The following ZNF117 variants were observed in gnomAD, a reference collection of about 807,000 sequenced individuals.
ZNF117 encodes zinc finger protein 117, also known as Krueppel-related zinc finger protein.
Under a neutral mutation model 41.2 loss-of-function variants are expected in ZNF117, and 37 were observed. The observed-to-expected ratio is 0.90, with a 90% confidence interval of 0.69 to 1.18. The LOEUF (loss-of-function observed/expected upper bound fraction) is 1.18. Among genes scored for constraint, ZNF117 ranks in the 50% most tolerant of loss-of-function variants. The pLI is 0.00. For synonymous variants in ZNF117, 186 were observed against 186.6 expected (o/e 1.00, Z 0.02); for missense variants, 546 against 557.5 (o/e 0.98, Z 0.21).
exon 3 of ZNF117, chr7:64,978,071 AGG>A: frequency 6.4e-7 from 1 of 1,565,312 alleles, no homozygotes; most frequent in Non-Finnish European, 8.7e-7. Context: ...CACACTTGTA[AGG>A]TTTCTCTCCA....
intron 2 of ZNF117, 131 bp downstream of exon 3, chr7:64,981,256 A>T (rs186446467): frequency 4.7e-5 from 52 of 1,099,580 alleles, no homozygotes; most frequent in African/African-American, 1.1e-4. Flanking sequence ...AGAGAAAAAT[A>T]AAAAAAAACT....
chr7:64,982,472 T>C (rs1388125188), upstream of ZNF117, among the ~76,000 whole-genome samples: 1 of 152,212 alleles, frequency 6.6e-6, no homozygotes, highest in Non-Finnish European at 1.5e-5. Flanking sequence ...AAAAGACATG[T>C]TGAGTTAAAA....
At chr7:64,979,072 A>T in exon 3 of ZNF117, 1 of 1,613,110 alleles carries the variant, frequency 6.2e-7, no homozygotes, top group South Asian at 1.1e-5. Context: ...CATTCTTTAC[A>T]TTTGTAAGGT....
upstream of ZNF117, among the ~76,000 whole-genome samples, chr7:64,982,561 A>C (rs1054980043): frequency 6.6e-6 from 1 of 152,220 alleles, no homozygotes; most frequent in Non-Finnish European, 1.5e-5. Context: ...GATCTGGAAC[A>C]GTCTGATATT....
chr7:64,975,865 T>A (rs1352072579), exon 3 of ZNF117: 1 of 152,226 alleles, frequency 6.6e-6, no homozygotes, highest in Non-Finnish European at 1.5e-5. Flanking sequence ...TAATTTTGGA[T>A]TAAATTTCTT....
At chr7:64,981,087 T>C (rs1584049771) in intron 2 of ZNF117, 1 of 325,644 alleles carries the variant, frequency 3.1e-6, no homozygotes, top group African/African-American at 2.2e-5. Flanking sequence ...TATTTGTGTG[T>C]CCCCCAAAAC....
chr7:64,978,095 C>T, exon 3 of ZNF117: 1 of 1,598,418 alleles, frequency 6.3e-7, no homozygotes, highest in Non-Finnish European at 8.5e-7. Context: ...TATGAATTTT[C>T]TTGTGTTCAA....
exon 3 of ZNF117, chr7:64,978,980 T>C (rs1016056902): frequency 1.2e-6 from 2 of 1,613,424 alleles, no homozygotes; most frequent in African/African-American, 2.7e-5. Context: ...CTTTGCCACA[T>C]TCTTCACATT....
upstream of ZNF117, among the ~76,000 whole-genome samples, chr7:64,982,507 A>G (rs1218026976): frequency 6.6e-6 from 1 of 152,210 alleles, no homozygotes; most frequent in Non-Finnish European, 1.5e-5. Flanking sequence ...TTTAATGTGT[A>G]TGATAAACTT....
At chr7:64,977,979 C>T in exon 3 of ZNF117, 2 of 1,270,918 alleles carry the variant, frequency 1.6e-6, no homozygotes, top group East Asian at 2.4e-5. Flanking sequence ...ACATTCATCA[C>T]ATTTGTGTAA....
chr7:64,974,494 GTT>G (rs1156473421), exon 3 of ZNF117: 1 of 151,734 alleles, frequency 6.6e-6, no homozygotes, highest in Non-Finnish European at 1.5e-5. Flanking sequence ...TAAAATATTT[GTT>G]TTGCTCCAAT....
chr7:64,977,634 C>A, exon 3 of ZNF117: 1 of 723,310 alleles, frequency 1.4e-6, no homozygotes, highest in East Asian at 4.4e-5. Context: ...AGCTTTGCCA[C>A]ATTCTTCACA....
upstream of ZNF117, among the ~76,000 whole-genome samples, chr7:64,985,203 A>G (rs1786108975): frequency 6.6e-6 from 1 of 152,252 alleles, no homozygotes; most frequent in Non-Finnish European, 1.5e-5. Context: ...TACAAACACT[A>G]CATATAACTA....
At chr7:64,988,633 C>G (rs1358256247) in intron 1 of ZNF117, among the ~76,000 whole-genome samples, 1 of 152,038 alleles carries the variant, frequency 6.6e-6, no homozygotes, top group East Asian at 1.9e-4. Context: ...TAAAAGGCAT[C>G]CAAATAGGAA....
exon 3 of ZNF117, chr7:64,978,068 G>C: frequency 1.3e-6 from 2 of 1,570,682 alleles, no homozygotes; most frequent in South Asian, 1.1e-5. Context: ...CTTCACACTT[G>C]TAAGGTTTCT....
chr7:64,981,918 A>G, intron 1 of ZNF117, 66 bp downstream of exon 2: 1 of 454,692 alleles, frequency 2.2e-6, no homozygotes, highest in Middle Eastern at 3.2e-4. Flanking sequence ...TAAATCACCA[A>G]AAACATTCTA....
At chr7:64,972,596 TTAAAG>T (rs1785800359), downstream of ZNF117, 2 of 152,164 alleles carry the variant, frequency 1.3e-5, no homozygotes, top group African/African-American at 4.8e-5. Context: ...CTTAATCCCA[TTAAAG>T]TAGAGAGTAA....
upstream of ZNF117, among the ~76,000 whole-genome samples, chr7:64,985,140 G>C (rs1264903633): frequency 1.3e-5 from 2 of 152,152 alleles, no homozygotes; most frequent in African/African-American, 4.8e-5. Context: ...AAATATTGTA[G>C]TGTTATATTC....
intron 1 of ZNF117, among the ~76,000 whole-genome samples, chr7:64,987,641 A>G (rs988594888): frequency 6.6e-6 from 1 of 152,158 alleles, no homozygotes; most frequent in Non-Finnish European, 1.5e-5. Context: ...TAACTGTTGA[A>G]GTCTACTATA....
Sources: gnomAD v4.1 joint callset for allele counts (sites outside exome capture counted in the v4.1 genomes callset) on GRCh38, gnomAD v4.1.1 for gene constraint, MANE v1.5 for transcripts, NCBI Gene and HGNC (gene_info 2026-07-23, HGNC 2026-07-21) for gene names.